The following MMP16 variants were observed in gnomAD, a reference collection of about 807,000 sequenced individuals.
MMP16 encodes the protein matrix metallopeptidase 16, also known as matrix metalloproteinase-16.
In MMP16, 12 loss-of-function variants were observed where a neutral mutation model predicts 67.8. The ratio of observed to expected loss-of-function variants is 0.18; its 90% CI spans 0.11 to 0.29. The LOEUF is 0.29. Ranked by LOEUF, MMP16 falls within the 10% of genes least tolerant of loss-of-function variation. The pLI, the probability that MMP16 is intolerant of heterozygous loss-of-function variation, is 1.00. For synonymous variants in MMP16, 249 were observed against 255.9 expected, an observed-to-expected ratio of 0.97 and a Z score of 0.26; for missense variants, 475 against 765.7, an observed-to-expected ratio of 0.62 and a Z score of 4.48.
chr8:88,249,452 A>T (rs1039123313), intron 1 of MMP16, among the ~76,000 whole-genome samples: 2 of 152,098 alleles, frequency 1.3e-5, no homozygotes, highest in African/African-American at 4.8e-5. Flanking sequence ...CTGATATTAC[A>T]ATTATGCTCA....
In MMP16 at chr8:88,282,084, G is replaced by A. The variant is rs866474233; in HGVS notation, c.132+44991C>T. Among the ~76,000 whole-genome samples, 44 of 16,308 alleles carry A rather than the reference G, an allele frequency of 2.7e-3. 1 individual carries two copies. Among genetic ancestry groups the A allele is most frequent in the African/African-American group, 4.6e-3 (43 of 9,254 alleles). 10.7% of individuals were successfully genotyped at this position (16,308 alleles called of 152,430 possible). On this transcript the variant is annotated intron_variant, in intron 1 of 9. Transcript: ENST00000286614. ...ATTCCAGATTTTTTTTTCTTTTTTGGGGGGGGGGGGGCGACGGGGTCTTGC... is the reference window on the plus strand; with the variant it reads ...ATTCCAGATTTTTTTTTCTTTTTTGAGGGGGGGGGGGCGACGGGGTCTTGC...
chr8:88,077,257 G>C (rs1486020060), intron 6 of MMP16, among the ~76,000 whole-genome samples: 1 of 152,152 alleles, frequency 6.6e-6, no homozygotes, highest in Non-Finnish European at 1.5e-5. Flanking sequence ...GAAAGCATCT[G>C]TCACAGTGGA....
chr8:88,241,289 C>A (rs1290792789), intron 1 of MMP16, among the ~76,000 whole-genome samples: 2 of 152,002 alleles, frequency 1.3e-5, no homozygotes, highest in African/African-American at 4.8e-5. Flanking sequence ...TAGAAGCATG[C>A]TTTGAAATTT....
intron 4 of MMP16, among the ~76,000 whole-genome samples, chr8:88,151,447 G>T (rs1282836169): frequency 4.6e-5 from 7 of 150,596 alleles, no homozygotes; most frequent in Non-Finnish European, 8.9e-5. Context: ...TTCCAAAATT[G>T]ACCACATAGT....
chr8:88,280,848 G>A (rs1028069980), intron 1 of MMP16, among the ~76,000 whole-genome samples: 3 of 152,080 alleles, frequency 2.0e-5, no homozygotes, highest in African/African-American at 7.2e-5. Context: ...TTACACCACT[G>A]CACTCCATCC....
intron 1 of MMP16, among the ~76,000 whole-genome samples, chr8:88,315,654 T>G (rs1586016490): frequency 1.3e-5 from 2 of 152,306 alleles, no homozygotes; most frequent in South Asian, 4.1e-4. Flanking sequence ...CCCCCATCTC[T>G]TTCCCTCTCT....
chr8:88,182,459 T>C (rs1808996475), intron 3 of MMP16, among the ~76,000 whole-genome samples: 2 of 152,132 alleles, frequency 1.3e-5, no homozygotes, highest in South Asian at 2.1e-4. Context: ...ATAAACATAA[T>C]TGATTTACAA....
intron 9 of MMP16, among the ~76,000 whole-genome samples, chr8:88,046,446 G>T (rs997981214): frequency 9.9e-5 from 15 of 151,920 alleles, no homozygotes; most frequent in African/African-American, 3.6e-4. Flanking sequence ...ACTATTACTT[G>T]TCTTTTTTCT....
intron 6 of MMP16, among the ~76,000 whole-genome samples, chr8:88,090,639 T>A (rs914727024): frequency 3.3e-5 from 5 of 149,852 alleles, no homozygotes; most frequent in Admixed American, 2.7e-4. Context: ...TGACAATTTT[T>A]AAAATTTTAA....
chr8:88,283,319 G>A (rs1438270421), intron 1 of MMP16, among the ~76,000 whole-genome samples: 3 of 152,076 alleles, frequency 2.0e-5, no homozygotes, highest in Non-Finnish European at 4.4e-5. Flanking sequence ...AGTGTTAATT[G>A]CATGAGCATT....
chr8:88,210,629 G>C (rs940188212), intron 1 of MMP16, among the ~76,000 whole-genome samples: 27 of 152,206 alleles, frequency 1.8e-4, no homozygotes, highest in African/African-American at 6.3e-4. Context: ...ATATAGCAAA[G>C]ATTAGCAGCT....
chr8:88,259,238 A>T (rs1810350252), intron 1 of MMP16, among the ~76,000 whole-genome samples: 1 of 152,218 alleles, frequency 6.6e-6, no homozygotes, highest in Admixed American at 6.5e-5. Context: ...GATACTTTCT[A>T]TCATGCCAAA....
intron 1 of MMP16, among the ~76,000 whole-genome samples, chr8:88,256,314 T>G (rs6994019): frequency 0.61 from 92,886 of 152,014 alleles, 31,335 homozygotes; most frequent in East Asian, 0.9. Context: ...ATCAATCTTT[T>G]CAGTTAAACA....
chr8:88,301,167 A>G (rs1811092908), intron 1 of MMP16, among the ~76,000 whole-genome samples: 1 of 152,364 alleles, frequency 6.6e-6, no homozygotes, highest in East Asian at 1.9e-4. Context: ...TAATAATTGT[A>G]GAACACAGTA....
intron 4 of MMP16, among the ~76,000 whole-genome samples, chr8:88,160,594 C>T (rs1416226884): frequency 6.6e-6 from 1 of 152,082 alleles, no homozygotes; most frequent in African/African-American, 2.4e-5. Context: ...TACCACCTCG[C>T]ACCAGTTAGA....
intron 1 of MMP16, among the ~76,000 whole-genome samples, chr8:88,323,250 A>C (rs1319713998): frequency 6.6e-6 from 1 of 152,162 alleles, no homozygotes; most frequent in East Asian, 1.9e-4. Context: ...ATAAAATATA[A>C]TTTTTATCTC....
Position 88,275,824 on chromosome 8 carries a change from G to A in MMP16, c.132+51251C>T, listed in dbSNP as rs145187230. Among the ~76,000 whole-genome samples the A allele has an allele frequency of 2.6e-3, 390 of 151,880 alleles. 2 individuals are homozygous for A. The highest frequency in any genetic ancestry group is 0.01 in the Middle Eastern group (3 of 294). On this transcript the variant is annotated intron_variant, in intron 1 of 9. Transcript: ENST00000286614. ...CCTACATTATAAATAATACCATTGT[G>A]AACACTAAAAAAACACATAGCAGTG...
chr8:88,133,801 C>T (rs1460848473), intron 4 of MMP16, among the ~76,000 whole-genome samples: 1 of 151,764 alleles, frequency 6.6e-6, no homozygotes, highest in Non-Finnish European at 1.5e-5. Context: ...TCATGGTTCG[C>T]ATTATAACTA....
intron 1 of MMP16, among the ~76,000 whole-genome samples, chr8:88,226,937 A>G (rs1387137617): frequency 3.3e-5 from 5 of 151,892 alleles, no homozygotes; most frequent in African/African-American, 1.2e-4. Flanking sequence ...TTTGATTAAA[A>G]CATTTAAGAA....
Sources: allele counts gnomAD v4.1 joint callset (sites outside exome capture counted in the v4.1 genomes callset), GRCh38; gene constraint gnomAD v4.1.1; transcripts MANE v1.5; gene names NCBI Gene and HGNC (gene_info 2026-07-23, HGNC 2026-07-21).